KLF12: variants seen among roughly 807,000 people sequenced by gnomAD.
KLF12 encodes the protein KLF transcription factor 12, also known as Krueppel-like factor 12.
A neutral mutation model predicts 37.8 loss-of-function variants in KLF12; 9 were observed. The observed-to-expected ratio is 0.24, with a 90% CI of 0.14 to 0.42. The LOEUF (loss-of-function observed/expected upper bound fraction) is 0.42. Ranked by LOEUF, KLF12 falls within the 10% of genes least tolerant of loss-of-function variation. The pLI, the probability that KLF12 is intolerant of heterozygous loss-of-function variation, is 1.00. For synonymous variants in KLF12, 208 were observed against 202.1 expected (o/e 1.03, Z -0.25); for missense variants, 411 against 516.0 (o/e 0.80, Z 1.97).
chr13:73,712,177 A>T (rs143806298), intron 7 of KLF12, among the ~76,000 whole-genome samples: 1 of 152,008 alleles, frequency 6.6e-6, no homozygotes, highest in South Asian at 2.1e-4. Context: ...TGTCTCTACT[A>T]AAAATACAAA....
intron 3 of KLF12, among the ~76,000 whole-genome samples, chr13:73,921,688 C>T (rs564435725): frequency 7.9e-5 from 12 of 152,180 alleles, no homozygotes; most frequent in African/African-American, 2.9e-4. Flanking sequence ...CATGTTAAAT[C>T]TAATAATACA....
chr13:74,037,243 G>A (rs1175335433), intron 1 of KLF12, among the ~76,000 whole-genome samples: 2 of 150,398 alleles, frequency 1.3e-5, no homozygotes, highest in African/African-American at 2.4e-5. Context: ...TGGAAAATGT[G>A]AACTATTTCC....
At chr13:73,857,915 A>C (rs1157341461) in intron 3 of KLF12, among the ~76,000 whole-genome samples, 1 of 152,206 alleles carries the variant, frequency 6.6e-6, no homozygotes, top group Non-Finnish European at 1.5e-5. Flanking sequence ...TTTTTGTATA[A>C]TGTTAAGTGA....
At chr13:73,779,687 G>A (rs1880840613) in intron 5 of KLF12, among the ~76,000 whole-genome samples, 1 of 152,240 alleles carries the variant, frequency 6.6e-6, no homozygotes, top group South Asian at 2.1e-4. Flanking sequence ...ACAAAAGTGT[G>A]GGTAGCTTGG....
chr13:73,890,010 T>A (rs9565057), intron 3 of KLF12, among the ~76,000 whole-genome samples: 3 of 151,944 alleles, frequency 2.0e-5, no homozygotes, highest in Non-Finnish European at 4.4e-5. Context: ...TATAAAGCTA[T>A]GATAATTTGA....
the KLF12 span, among the ~76,000 whole-genome samples, chr13:74,164,550 A>G: frequency 6.6e-6 from 1 of 152,236 alleles, no homozygotes; most frequent in Non-Finnish European, 1.5e-5. Context: ...TTTCATTTAA[A>G]TAGTTTCTTG....
At chr13:74,139,637 C>A in the KLF12 span, among the ~76,000 whole-genome samples, 15 of 151,938 alleles carry the variant, frequency 9.9e-5, no homozygotes, top group African/African-American at 3.6e-4. Context: ...AAAAATTATT[C>A]AATTATATTC....
chr13:74,122,960 T>TA (rs58691841), intron 1 of KLF12, among the ~76,000 whole-genome samples: 58,167 of 113,780 alleles, frequency 0.51, 16,987 homozygotes, highest in East Asian at 0.87. Context: ...AACAGGTCAC[T>TA]AAAAAAAAAA....
At chr13:73,896,742 T>C (rs76653815) in intron 3 of KLF12, among the ~76,000 whole-genome samples, 1 of 152,182 alleles carries the variant, frequency 6.6e-6, no homozygotes, top group African/African-American at 2.4e-5. Flanking sequence ...TTTTTGCCCA[T>C]GGAGATTCAT....
chr13:74,229,733 G>A, the KLF12 span, among the ~76,000 whole-genome samples: 1 of 152,076 alleles, frequency 6.6e-6, no homozygotes. Flanking sequence ...TAACAACCAA[G>A]GCCTGCACCG....
At chr13:73,976,093 T>TTA (rs1555330687) in intron 2 of KLF12, among the ~76,000 whole-genome samples, 4 of 150,542 alleles carry the variant, frequency 2.7e-5, no homozygotes, top group Non-Finnish European at 4.4e-5. Context: ...AATAAGTCAT[T>TTA]AAAAAAAATG....
the KLF12 span, among the ~76,000 whole-genome samples, chr13:74,207,992 T>G: frequency 6.6e-6 from 1 of 152,172 alleles, no homozygotes; most frequent in Non-Finnish European, 1.5e-5. Flanking sequence ...GAATTAGACA[T>G]TTTTAAAGCT....
intron 3 of KLF12, among the ~76,000 whole-genome samples, chr13:73,878,336 C>T (rs998226533): frequency 2.0e-5 from 3 of 151,994 alleles, no homozygotes; most frequent in Non-Finnish European, 4.4e-5. Context: ...CTTACATGGG[C>T]CAAAAAGACA....
intron 1 of KLF12, among the ~76,000 whole-genome samples, chr13:74,111,308 T>C (rs1876961744): frequency 1.3e-5 from 2 of 152,106 alleles, no homozygotes; most frequent in African/African-American, 4.8e-5. Flanking sequence ...GAAAGAAAAT[T>C]TGAATCATAA....
chr13:74,239,196 G>T, the KLF12 span, among the ~76,000 whole-genome samples: 1 of 150,868 alleles, frequency 6.6e-6, no homozygotes, highest in African/African-American at 2.4e-5. Context: ...ATTTCGTTAT[G>T]TACCCAGTAG....
chr13:74,237,517 G>A, the KLF12 span, among the ~76,000 whole-genome samples: 4 of 145,036 alleles, frequency 2.8e-5, no homozygotes, highest in South Asian at 2.2e-4. Context: ...CATTGAATCT[G>A]TAAATTACCT....
chr13:74,193,743 T>A, the KLF12 span, among the ~76,000 whole-genome samples: 2 of 152,288 alleles, frequency 1.3e-5, no homozygotes, highest in East Asian at 3.9e-4. Flanking sequence ...GAAACCAACA[T>A]TATAAGCCTA....
rs556919316 is a variant in KLF12, at chr13:74,008,023, A to G, written c.-31-12970T>C. ...TAACAGTTACATTGAGAGAGTGACAATGACCAGCTGGAAAGGGATACAAGG... is the reference window on the plus strand; with the variant it reads ...TAACAGTTACATTGAGAGAGTGACAGTGACCAGCTGGAAAGGGATACAAGG... On this transcript the variant is annotated intron_variant, in intron 1 of 7. Coordinates refer to ENST00000377669, the MANE Select transcript of KLF12 (RefSeq NM_007249.5). Among the ~76,000 whole-genome samples, 3 of 152,306 alleles carry G rather than the reference A, an allele frequency of 2.0e-5. No individual in the cohort carries two copies. The South Asian group carries it at 6.2e-4, about 32-fold the overall frequency.
chr13:74,146,112 A>G, the KLF12 span, among the ~76,000 whole-genome samples: 1 of 152,196 alleles, frequency 6.6e-6, no homozygotes, highest in African/African-American at 2.4e-5. Context: ...AGTACTTAAA[A>G]GGCATTAATA....
Sources: allele counts gnomAD v4.1 joint callset (sites outside exome capture counted in the v4.1 genomes callset), GRCh38; gene constraint gnomAD v4.1.1; transcripts MANE v1.5; gene names NCBI Gene and HGNC (gene_info 2026-07-23, HGNC 2026-07-21).